STK32A: variants seen among roughly 807,000 people sequenced by gnomAD.
STK32A encodes the protein serine/threonine-protein kinase 32A.
Under a neutral mutation model 53.2 loss-of-function variants are expected in STK32A, and 41 were observed. The ratio of observed to expected loss-of-function variants is 0.77; its 90% confidence interval spans 0.60 to 1.00. STK32A has a LOEUF of 1.00. Among genes scored for constraint, STK32A ranks in the 50% least tolerant of loss-of-function variants. The probability of loss-of-function intolerance (pLI) is 0.00; values close to 1 mark genes in which losing one functional copy is unlikely to be tolerated. For missense variants in STK32A, 458 were observed against 485.8 expected (o/e 0.94, Z 0.54); for synonymous variants, 166 against 162.8 (o/e 1.02, Z -0.15).
chr5:147,343,213 T>C lies in STK32A; in HGVS notation c.472+170T>C, dbSNP rs771582219. 141 of 787,094 alleles carry C rather than the reference T, an allele frequency of 1.8e-4. 1 individual carries two copies. The East Asian group carries it at 3.3e-3, about 18-fold the overall frequency. The allele number at this position is 787,094 out of a possible 1,614,324, so 48.8% of individuals were successfully genotyped here. ...GGGGAACTTTATTACTTATGGCAGG[T>C]TATAGTACAACAATACACCCTTAAA... On this transcript the variant is annotated intron_variant, in intron 6 of 12. Transcript: ENST00000397936.
Position 147,370,764 on chromosome 5 carries a change from TAAA to T in STK32A, c.774_776del (p.Lys259del). On this transcript the variant is annotated inframe_deletion, in exon 9 of 13. Transcript: ENST00000397936. The stretch of plus-strand genomic sequence containing the variant: ...GGTCACAGGAAATGGTGTCACTTCT[TAAA>T]AAGGTAAGAAGGAAGACTGCATGTC... The T allele has an allele frequency of 6.2e-7, 1 of 1,604,618 alleles. No homozygotes were observed.
At chr5:147,393,381 GGCATT>G in the STK32A span, 1 of 152,232 alleles carries the variant, frequency 6.6e-6, no homozygotes, top group Non-Finnish European at 1.5e-5. Flanking sequence ...GTTGGGTCTT[GGCATT>G]TTAATAAACG....
At chr5:147,368,962 T>C (rs1005898387) in intron 8 of STK32A, among the ~76,000 whole-genome samples, 6 of 152,188 alleles carry the variant, frequency 3.9e-5, no homozygotes, top group Non-Finnish European at 1.5e-5. Context: ...CATACACATA[T>C]AAGCCTAGAA....
intron 9 of STK32A, 102 bp downstream of exon 9, chr5:147,370,872 G>A: frequency 1.4e-6 from 1 of 712,160 alleles, no homozygotes; most frequent in Non-Finnish European, 2.5e-6. Flanking sequence ...AGTCATGATA[G>A]TATACATTTG....
intron 6 of STK32A, 127 bp downstream of exon 6, chr5:147,343,170 C>A (rs964439719): frequency 1.0e-6 from 1 of 998,398 alleles, no homozygotes; most frequent in Non-Finnish European, 1.6e-6. Flanking sequence ...TACTTACAAA[C>A]TCCTCATAGA....
intron 11 of STK32A, among the ~76,000 whole-genome samples, chr5:147,380,433 T>C (rs1469690816): frequency 6.6e-6 from 1 of 152,076 alleles, no homozygotes; most frequent in Non-Finnish European, 1.5e-5. Context: ...AAGAAAACTC[T>C]CCAGTACTGG....
At chr5:147,348,709 T>C (rs1057032636) in intron 6 of STK32A, 1 of 774,210 alleles carries the variant, frequency 1.3e-6, no homozygotes, top group Admixed American at 1.7e-5. Context: ...CTGGCTCTCC[T>C]ACAAGTCCCA....
At chr5:147,353,168 A>G (rs550247858) in intron 7 of STK32A, among the ~76,000 whole-genome samples, 3 of 152,308 alleles carry the variant, frequency 2.0e-5, no homozygotes, top group Admixed American at 1.3e-4. Flanking sequence ...CCTAAAACAA[A>G]TAGTGCTTTC....
rs1030851722 is a variant in STK32A at position 147,358,152 on chromosome 5, T to C, written c.563-3365T>C. On this transcript the variant is annotated intron_variant, in intron 7 of 12. Coordinates refer to ENST00000397936, the MANE Select transcript of STK32A (RefSeq NM_001112724.2). ...TTAAAAAAATCTGAAAACCAAATGA[T>C]GGAAATCCAAATATTTAATAAATAT... Among the ~76,000 whole-genome samples, 16 of 152,166 alleles carry C rather than the reference T, an allele frequency of 1.1e-4. No homozygotes were observed. The East Asian group carries it at 2.9e-3, about 28-fold the overall frequency.
At chr5:147,382,059 T>A (rs1005978377) in intron 11 of STK32A, among the ~76,000 whole-genome samples, 1 of 152,134 alleles carries the variant, frequency 6.6e-6, no homozygotes, top group Admixed American at 6.5e-5. Flanking sequence ...CTGAGGCACA[T>A]GTGGCCCATG....
Position 147,384,106 on chromosome 5 carries a change from T to C in STK32A, c.*123T>C. On this transcript the variant is annotated 3_prime_UTR_variant, in exon 13 of 13. Transcript: ENST00000397936. The stretch of plus-strand genomic sequence containing the variant: ...ATGACTTAGAAAATGTGAATGAATA[T>C]ATTTCAAAAAAGGCAGCACAACACA... The C allele has an allele frequency of 2.7e-6, 4 of 1,492,656 alleles. No homozygotes were observed. The highest frequency in any genetic ancestry group is 3.5e-6 in the Non-Finnish European group (4 of 1,132,556). The allele number at this position is 1,492,656 out of a possible 1,614,324, so 92.5% of individuals were successfully genotyped here.
chr5:147,395,897 T>C, the STK32A span, among the ~76,000 whole-genome samples: 1 of 152,032 alleles, frequency 6.6e-6, no homozygotes, highest in Non-Finnish European at 1.5e-5. Context: ...GATGTGATGA[T>C]AGAGTGACAA....
chr5:147,285,572 CA>C (rs1215129082), intron 4 of STK32A, among the ~76,000 whole-genome samples: 1 of 152,014 alleles, frequency 6.6e-6, no homozygotes, highest in African/African-American at 2.4e-5. Context: ...CCAGAATCTA[CA>C]ATGAACTCAA....
chr5:147,275,034 T>C (rs1755193582), intron 2 of STK32A, among the ~76,000 whole-genome samples: 1 of 152,170 alleles, frequency 6.6e-6, no homozygotes, highest in African/African-American at 2.4e-5. Context: ...CAAAAACAGA[T>C]TGCAAGTCCA....
At chr5:147,300,033 A>G (rs1753055929) in intron 4 of STK32A, among the ~76,000 whole-genome samples, 1 of 152,154 alleles carries the variant, frequency 6.6e-6, no homozygotes. Flanking sequence ...AGCAGCCTCC[A>G]TCATATGTGA....
chr5:147,380,502 T>A (rs925791891), intron 11 of STK32A, among the ~76,000 whole-genome samples: 7 of 152,208 alleles, frequency 4.6e-5, no homozygotes, highest in African/African-American at 1.7e-4. Flanking sequence ...CTGAATGATT[T>A]TTTTTAAAGA....
intron 5 of STK32A, among the ~76,000 whole-genome samples, chr5:147,338,645 G>T (rs1755257089): frequency 6.6e-6 from 1 of 152,236 alleles, no homozygotes; most frequent in African/African-American, 2.4e-5. Flanking sequence ...AATGCTGATA[G>T]TGATATGAAT....
At chr5:147,401,704 G>A in the STK32A span, 1 of 1,613,888 alleles carries the variant, frequency 6.2e-7, no homozygotes, top group South Asian at 1.1e-5. Flanking sequence ...TTCCTAGAAG[G>A]GGCAGGAAAC....
At chr5:147,389,640 G>A (rs567388431), downstream of STK32A, among the ~76,000 whole-genome samples, 3 of 152,228 alleles carry the variant, frequency 2.0e-5, no homozygotes, top group Non-Finnish European at 4.4e-5. Context: ...AGGCCGAGGC[G>A]GGTGGATTAC....
Sources: gnomAD v4.1 joint callset for allele counts (sites outside exome capture counted in the v4.1 genomes callset) on GRCh38, gnomAD v4.1.1 for gene constraint, MANE v1.5 for transcripts, NCBI Gene and HGNC (gene_info 2026-07-23, HGNC 2026-07-21) for gene names.